Variants in ADSS1 observed in about 807,000 individuals in gnomAD.
The protein encoded by ADSS1 is adenylosuccinate synthetase isozyme 1.
A neutral mutation model predicts 59.1 loss-of-function variants in ADSS1; 57 were observed. That is an observed-to-expected ratio of 0.97 (90% CI 0.78 to 1.20). ADSS1 has a LOEUF of 1.20. ADSS1 is among the 50% of genes most tolerant of loss of function. The pLI, the probability that ADSS1 is intolerant of heterozygous loss-of-function variation, is 0.00. For synonymous variants in ADSS1, 247 were observed against 249.4 expected (o/e 0.99, Z 0.09); for missense variants, 603 against 610.3 (o/e 0.99, Z 0.13).
At chr14:104,738,287 C>A in intron 2 of ADSS1, 89 bp from the exon 3 acceptor site, 4 of 1,410,492 alleles carry the variant, frequency 2.8e-6, no homozygotes, top group Middle Eastern at 3.6e-4. Flanking sequence ...CATGAGCCAC[C>A]GCACCCACCC....
Position 104,740,853 on chromosome 14 carries a change from C to G in ADSS1, c.599C>G (p.Ala200Gly). The stretch of plus-strand genomic sequence containing the variant: ...CCCTTGTGCAGATTCAAGAACCTGG[C>G]CCACCAGCACCAGTCGATGTTCCCC... ...DEFSSRFKNLAHQHQSMFPTL... is the reference protein window; with the variant it reads ...DEFSSRFKNLGHQHQSMFPTL... The change falls in exon 7 of 13, where the codon GCC (alanine) becomes GGC (glycine). Residue 200 changes from alanine to glycine, a missense_variant. Physicochemically the swap from Ala to Gly is moderately conservative, Grantham distance 60. Transcript: ENST00000330877. The surrounding 1 kb of genome is among the most constrained non-coding windows in gnomAD (Gnocchi z 4.8). 6.2e-7 allele frequency: 1 copy of G among 1,613,864 alleles called. No individual in the cohort carries two copies. Among genetic ancestry groups the G allele is most frequent in the Non-Finnish European group, 8.5e-7 (1 of 1,179,990 alleles).
intron 5 of ADSS1, 116 bp downstream of exon 5, chr14:104,739,932 G>GC: frequency 8.9e-7 from 1 of 1,124,098 alleles, no homozygotes; most frequent in South Asian, 1.4e-5. Context: ...CCCACTCAAA[G>GC]CCCCTGGAGA....
intron 1 of ADSS1, among the ~76,000 whole-genome samples, chr14:104,732,022 T>A (rs1379504621): frequency 6.6e-6 from 1 of 152,180 alleles, no homozygotes; most frequent in African/African-American, 2.4e-5. Flanking sequence ...CGGACTGCCC[T>A]GCACACCGTG....
chr14:104,736,911 T>TATATATATATATATATATATA (rs1566798291), intron 2 of ADSS1, among the ~76,000 whole-genome samples: 16 of 143,334 alleles, frequency 1.1e-4, no homozygotes, highest in African/African-American at 4.0e-4. Flanking sequence ...TATATATATA[T>TATATATATATATATATATATA]ATGCATTTTT....
intron 1 of ADSS1, among the ~76,000 whole-genome samples, chr14:104,731,016 C>T (rs1321458488): frequency 7.1e-6 from 1 of 141,588 alleles, no homozygotes; most frequent in East Asian, 2.1e-4. Context: ...CTGACCCAAG[C>T]CTGCACCACA....
chr14:104,725,462 A>T (rs926628836), intron 1 of ADSS1, among the ~76,000 whole-genome samples: 6 of 152,150 alleles, frequency 3.9e-5, no homozygotes, highest in Admixed American at 3.3e-4. Flanking sequence ...AGCTCCAGAG[A>T]GGAGGGCTGG....
At chr14:104,745,440 G>A (rs561318732) in intron 11 of ADSS1, 38 of 155,760 alleles carry the variant, frequency 2.4e-4, no homozygotes, top group Non-Finnish European at 5.0e-4. Context: ...TTTCAGTTTC[G>A]TGTGCGTCTG....
chr14:104,730,019 A>G, intron 1 of ADSS1: 1 of 1,592,264 alleles, frequency 6.3e-7, no homozygotes. Flanking sequence ...GCCTCCAAGG[A>G]GTCTCCAGTT....
intron 2 of ADSS1, 68 bp from the exon 3 acceptor site, chr14:104,738,308 G>A: frequency 6.4e-7 from 1 of 1,558,608 alleles, no homozygotes; most frequent in Non-Finnish European, 8.8e-7. Flanking sequence ...ATTTCATGCT[G>A]TTCTTAATGT....
chr14:104,743,177 C>A lies in ADSS1; in HGVS notation c.1059C>A (p.Val353=). Residue 353 remains valine (V), a synonymous_variant, in exon 10 of 13, where the codon GTC becomes GTA. Transcript: ENST00000330877. The stretch of plus-strand genomic sequence containing the variant: ...TGATTCTAAGATATGCTCACATGGT[C>A]AACGGATTCACTGCGTAAGCAACCC... The part of the protein sequence containing the change: ...DLMILRYAHM[V]NGFTALALTK... The A allele has an allele frequency of 1.2e-6, 2 of 1,611,394 alleles. No homozygotes were observed. Among genetic ancestry groups the A allele is most frequent in the South Asian group, 2.2e-5 (2 of 91,028 alleles).
chr14:104,741,951 A>T lies in ADSS1; in HGVS notation c.897A>T (p.Lys299Asn). Residue 299 changes from lysine (K) to asparagine (N), a missense_variant, in exon 9 of 13, where the codon AAA (lysine) becomes AAT (asparagine). Physicochemically the swap from Lys to Asn is moderately conservative, Grantham distance 94 (BLOSUM62 0). Coordinates refer to ENST00000330877, the MANE Select transcript of ADSS1 (RefSeq NM_152328.5). ...QNIGDVYGVV[K>N]AYTTRVGIGA... ...TAGGTGACGTGTATGGCGTGGTGAAAGCCTATACCACACGTGTGGGCATCG... is the reference window on the plus strand; with the variant it reads ...TAGGTGACGTGTATGGCGTGGTGAATGCCTATACCACACGTGTGGGCATCG... The T allele has an allele frequency of 6.2e-7, 1 of 1,613,322 alleles. No individual in the cohort carries two copies. The highest frequency in any genetic ancestry group is 8.5e-7 in the Non-Finnish European group (1 of 1,179,986).
chr14:104,731,544 T>C (rs1017306539), intron 1 of ADSS1, among the ~76,000 whole-genome samples: 1 of 152,186 alleles, frequency 6.6e-6, no homozygotes, highest in Non-Finnish European at 1.5e-5. Flanking sequence ...GAGTGGTGGC[T>C]GAAGGATGGA....
At chr14:104,744,718 TA>T in intron 10 of ADSS1, 93 bp from the exon 11 acceptor site, 1 of 1,228,392 alleles carries the variant, frequency 8.1e-7, no homozygotes, top group Non-Finnish European at 1.2e-6. Flanking sequence ...ACCCCTGCTG[TA>T]AGTAACAGAA....
rs952548594 is a variant in ADSS1, at chr14:104,739,806, G to C, written c.466G>C (p.Glu156Gln). 1.9e-6 allele frequency: 3 copies of C among 1,613,768 alleles called. No individual in the cohort carries two copies. Among genetic ancestry groups the C allele is most frequent in the East Asian group, 4.5e-5 (2 of 44,896 alleles). ...GLQEVQRQAQEGKNIGTTKKG... is the reference protein window; with the variant it reads ...GLQEVQRQAQQGKNIGTTKKG... Reference sequence around the variant, plus strand: ...TCAGGAAGTGCAGCGCCAGGCACAAGAGGGGAAGAAGTAAGTCTGCCGGGA... The same window carrying C: ...TCAGGAAGTGCAGCGCCAGGCACAACAGGGGAAGAAGTAAGTCTGCCGGGA... The change falls in exon 5 of 13, where the codon GAG becomes CAG. Residue 156 changes from glutamate (E) to glutamine (Q), a missense_variant. Transcript: ENST00000330877.
intron 1 of ADSS1, among the ~76,000 whole-genome samples, chr14:104,733,421 CCCCCCCTCTGT>C: frequency 6.6e-6 from 1 of 152,108 alleles, no homozygotes; most frequent in East Asian, 1.9e-4. Flanking sequence ...TCTGGATCTG[CCCCCCCTCTGT>C]CCCCAGGGTT....
intron 1 of ADSS1, among the ~76,000 whole-genome samples, chr14:104,727,723 G>A (rs1890757360): frequency 6.6e-6 from 1 of 152,158 alleles, no homozygotes; most frequent in South Asian, 2.1e-4. Flanking sequence ...GGTCTCCCCT[G>A]CCCCCTGTTC....
Position 104,728,962 on chromosome 14 carries a change from T to C in ADSS1, c.192+4500T>C, listed in dbSNP as rs150454859. Among the ~76,000 whole-genome samples, 579 of 152,136 alleles carry C rather than the reference T, an allele frequency of 3.8e-3. 7 individuals carry two copies. Among genetic ancestry groups the C allele is most frequent in the African/African-American group, 0.013 (528 of 41,468 alleles). On this transcript the variant is annotated intron_variant, in intron 1 of 12. Coordinates refer to ENST00000330877, the MANE Select transcript of ADSS1 (RefSeq NM_152328.5). ...AGGGCCGAGGGGGAAGCGGGCAGAG[T>C]GCAGTGGCGTTGAGGCACGGCGCCG... is the stretch of plus-strand genomic sequence containing the variant.
rs772167104 is a variant in ADSS1 at position 104,743,100 on chromosome 14, G to A, written c.982G>A (p.Glu328Lys). 13 of 1,613,076 alleles carry A rather than the reference G, an allele frequency of 8.1e-6. No homozygotes were observed. In the Admixed American group the frequency reaches 8.3e-5, roughly 10 times the overall value. Residue 328 changes from glutamate to lysine, a missense_variant, in exon 10 of 13, where the codon GAG becomes AAG. Coordinates refer to ENST00000330877, the MANE Select transcript of ADSS1 (RefSeq NM_152328.5). The part of the protein sequence containing the change: ...IGGLLQTRGH[E>K]WGVTTGRKRR... ...AGGCCTGCTGCAGACCCGCGGCCAC[G>A]AGTGGGGAGTGACCACAGGCAGGAA...
intron 1 of ADSS1, among the ~76,000 whole-genome samples, chr14:104,732,719 C>A (rs1016942018): frequency 1.3e-5 from 2 of 152,226 alleles, no homozygotes; most frequent in East Asian, 3.8e-4. Context: ...GCCTGCCCCC[C>A]CGCCCAGGCG....
Sources: gnomAD v4.1 joint callset for allele counts (sites outside exome capture counted in the v4.1 genomes callset) on GRCh38, gnomAD v4.1.1 for gene constraint, Gnocchi (gnomAD v3.1) non-coding constraint, MANE v1.5 for transcripts, NCBI Gene and HGNC (gene_info 2026-07-23, HGNC 2026-07-21) for gene names.